The following MEF2C variants were observed in gnomAD, a reference collection of about 807,000 sequenced individuals.
MEF2C encodes the protein myocyte-specific enhancer factor 2C.
MEF2C carries 6 observed loss-of-function variants against 50.5 expected under a neutral mutation model. The ratio of observed to expected loss-of-function variants is 0.12; its 90% CI spans 0.07 to 0.23. The LOEUF (loss-of-function observed/expected upper bound fraction) is 0.23. MEF2C is among the 10% of genes least tolerant of loss of function. The pLI is 1.00. For synonymous variants in MEF2C, 183 were observed against 228.0 expected (o/e 0.80, Z 1.78); for missense variants, 276 against 605.0 (o/e 0.46, Z 5.70).
intron 6 of MEF2C, chr5:88,739,514 A>G: frequency 1.0e-6 from 1 of 978,484 alleles, no homozygotes; most frequent in Non-Finnish European, 1.2e-6. Flanking sequence ...GCCTCAAATG[A>G]ACATACATCT....
At chr5:88,741,913 T>A (rs1291369565) in intron 6 of MEF2C, 1 of 985,412 alleles carries the variant, frequency 1.0e-6, no homozygotes, top group African/African-American at 1.7e-5. Flanking sequence ...AAATTTAAAC[T>A]GTTTATCCAA....
At chr5:88,822,194 A>G (rs1454902684) in intron 2 of MEF2C, among the ~76,000 whole-genome samples, 2 of 152,006 alleles carry the variant, frequency 1.3e-5, no homozygotes, top group Non-Finnish European at 2.9e-5. Flanking sequence ...CATAAACCTA[A>G]AAATTATCTG....
At position 88,821,772 on chromosome 5, in the gene MEF2C, T is replaced by G. The variant is rs533350052; in HGVS notation, c.54+1963A>C. ...ATAGGCTGGGAAGGGTAGCTGGGCA[T>G]GGAGTGGGGAGGGGATAAAGTGGGG... On this transcript the variant is annotated intron_variant, in intron 2 of 10. Transcript: ENST00000504921. Among the ~76,000 whole-genome samples, 4 of 151,732 alleles carry G rather than the reference T, an allele frequency of 2.6e-5. No homozygotes were observed. The South Asian group carries it at 6.2e-4, about 24-fold the overall frequency.
intron 3 of MEF2C, chr5:88,769,895 C>T (rs1781628291): frequency 1.1e-6 from 1 of 909,798 alleles, no homozygotes; most frequent in Non-Finnish European, 1.3e-6. Context: ...ATCCACCCAC[C>T]TAAGCCTCCT....
At chr5:88,864,456 C>T (rs1826579954) in intron 1 of MEF2C, among the ~76,000 whole-genome samples, 1 of 151,632 alleles carries the variant, frequency 6.6e-6, no homozygotes, top group African/African-American at 2.4e-5. Context: ...TAATCTGAAT[C>T]TGGGAGTGGA....
chr5:88,763,111 T>G (rs1778566913), intron 3 of MEF2C, among the ~76,000 whole-genome samples: 1 of 152,220 alleles, frequency 6.6e-6, no homozygotes, highest in Non-Finnish European at 1.5e-5. Flanking sequence ...CTGTAAATAT[T>G]TATTAATGTT....
intron 2 of MEF2C, among the ~76,000 whole-genome samples, chr5:88,808,290 A>G (rs954160873): frequency 1.3e-5 from 2 of 152,176 alleles, no homozygotes; most frequent in Non-Finnish European, 2.9e-5. Flanking sequence ...CTACTTTCAT[A>G]TATCTAAAAC....
intron 1 of MEF2C, among the ~76,000 whole-genome samples, chr5:88,872,030 T>A (rs1014330131): frequency 2.6e-5 from 4 of 152,068 alleles, no homozygotes; most frequent in Non-Finnish European, 4.4e-5. Context: ...ACCTATTATA[T>A]GCAAGAGTTC....
At chr5:88,802,187 C>A (rs1009627782) in intron 3 of MEF2C, among the ~76,000 whole-genome samples, 1 of 152,220 alleles carries the variant, frequency 6.6e-6, no homozygotes, top group African/African-American at 2.4e-5. Context: ...TCCTGTTTTA[C>A]AAGTATTGCT....
chr5:88,739,898 C>T, intron 6 of MEF2C: 1 of 985,202 alleles, frequency 1.0e-6, no homozygotes, highest in Non-Finnish European at 1.2e-6. Context: ...CTAAAGACTC[C>T]TAATTAGGGA....
intron 1 of MEF2C, chr5:88,843,486 A>G: frequency 2.0e-6 from 2 of 984,774 alleles, no homozygotes; most frequent in Non-Finnish European, 2.4e-6. Context: ...TATGTTACAC[A>G]ATTACATTTA....
chr5:88,819,078 G>A (rs1807005974), intron 2 of MEF2C, among the ~76,000 whole-genome samples: 1 of 151,888 alleles, frequency 6.6e-6, no homozygotes, highest in African/African-American at 2.4e-5. Context: ...GAAGCTCAGA[G>A]GGTCTAAGTA....
Position 88,728,639 on chromosome 5 carries a change from G to T in MEF2C, c.965-11C>A, listed in dbSNP as rs1043608782. Reference sequence around the variant, plus strand: ...TACTCAGAGAGTACTCTAGATTAAAGAATAAAACAACAAGGGAAAATATTA... The same window carrying T: ...TACTCAGAGAGTACTCTAGATTAAATAATAAAACAACAAGGGAAAATATTA... On this transcript the variant is annotated splice_polypyrimidine_tract_variant and intron_variant, in intron 9 of 10. Coordinates refer to ENST00000504921, the MANE Select transcript of MEF2C (RefSeq NM_002397.5). The T allele has an allele frequency of 5.8e-6, 8 of 1,372,056 alleles. No individual in the cohort carries two copies. Among genetic ancestry groups the T allele is most frequent in the Middle Eastern group, 1.9e-4 (1 of 5,204 alleles). The allele number at this position is 1,372,056 out of a possible 1,614,324, so 85.0% of individuals were successfully genotyped here.
chr5:88,893,346 T>G (rs1420462593), intron 1 of MEF2C, among the ~76,000 whole-genome samples: 1 of 151,180 alleles, frequency 6.6e-6, no homozygotes, highest in Non-Finnish European at 1.5e-5. Context: ...AGTCTTGCTC[T>G]GTTGCCCAGG....
At chr5:88,827,352 G>C (rs1044422700) in intron 1 of MEF2C, among the ~76,000 whole-genome samples, 7 of 151,924 alleles carry the variant, frequency 4.6e-5, no homozygotes, top group African/African-American at 1.7e-4. Context: ...GACTGGTCAG[G>C]GAAGGATATG....
chr5:88,722,633 T>G lies in MEF2C; in HGVS notation c.1393A>C (p.Met465Leu), dbSNP rs766533792. Residue 465 changes from methionine to leucine, a missense_variant, in exon 11 of 11, where the codon ATG (methionine) becomes CTG (leucine). Physicochemically the swap from Met to Leu is conservative, Grantham distance 15. This residue lies in a region of MEF2C where 256 missense variants were observed against 468.1 expected (regional missense o/e 0.55). Transcript: ENST00000504921. ...DERESPSVKR[M>L]RLSEGWAT ...GTTGCCCATCCTTCAGAAAGTCGCA[T>G]GCGCTTGACTGAGGGACTTTCCCTT... 1.2e-6 allele frequency: 2 copies of G among 1,612,688 alleles called. No individual in the cohort carries two copies. Among genetic ancestry groups the G allele is most frequent in the Admixed American group, 3.3e-5 (2 of 59,914 alleles).
rs146440069 is a variant in MEF2C, at chr5:88,801,013, G to A, written c.258+3585C>T. ...TATCAAGCAAAGACATGATAATTAC[G>A]CAGAGCTTTTTTGCTAAAAGAAGGA... On this transcript the variant is annotated intron_variant, in intron 3 of 10. Transcript: ENST00000504921. 5.4e-3 allele frequency among the ~76,000 whole-genome samples: 817 copies of A among 152,194 alleles called. 6 individuals carry two copies. The highest frequency in any genetic ancestry group is 7.1e-3 in the Non-Finnish European group (482 of 68,018).
chr5:88,884,830 G>C (rs1833891037), upstream of MEF2C, among the ~76,000 whole-genome samples: 2 of 148,786 alleles, frequency 1.3e-5, no homozygotes, highest in African/African-American at 2.5e-5. Context: ...TTAATATTTA[G>C]GCTACTAGAG....
chr5:88,748,648 C>G (rs1771133417), intron 6 of MEF2C: 1 of 453,268 alleles, frequency 2.2e-6, no homozygotes, highest in Non-Finnish European at 2.9e-6. Flanking sequence ...AATCTTAACC[C>G]CTCCTTTTCT....
Sources: allele counts gnomAD v4.1 joint callset (sites outside exome capture counted in the v4.1 genomes callset), GRCh38; gene constraint gnomAD v4.1.1; regional missense constraint gnomAD v4.1.1; transcripts MANE v1.5; gene names NCBI Gene and HGNC (gene_info 2026-07-23, HGNC 2026-07-21).